Variants in BMP5 observed in about 807,000 individuals in gnomAD.
BMP5 encodes bone morphogenetic protein 5.
Under a neutral mutation model 46.6 loss-of-function variants are expected in BMP5, and 23 were observed. That is an observed-to-expected ratio of 0.49 (90% CI 0.35 to 0.70). BMP5 has a LOEUF of 0.70. BMP5 is among the 30% of genes least tolerant of loss of function. The pLI is 0.00. For synonymous variants in BMP5, 204 were observed against 191.9 expected (o/e 1.06, Z -0.52); for missense variants, 545 against 565.6 (o/e 0.96, Z 0.37).
intron 4 of BMP5, among the ~76,000 whole-genome samples, chr6:55,765,805 ATAAC>A (rs1389434241): frequency 1.3e-5 from 2 of 152,172 alleles, no homozygotes; most frequent in African/African-American, 4.8e-5. Flanking sequence ...ACACCACAAA[ATAAC>A]TCTGTAATGT....
chr6:55,794,582 A>T (rs1775660412), intron 2 of BMP5, among the ~76,000 whole-genome samples, 155 bp from the exon 3 acceptor site: 1 of 152,232 alleles, frequency 6.6e-6, no homozygotes, highest in Admixed American at 6.5e-5. Context: ...GAGTAATAAG[A>T]TACAAAACCT....
chr6:55,805,467 C>T (rs1479695794), intron 2 of BMP5, among the ~76,000 whole-genome samples: 2 of 152,106 alleles, frequency 1.3e-5, no homozygotes, highest in Non-Finnish European at 1.5e-5. Context: ...TATAGTATTC[C>T]ATGGTGTATA....
rs1351901968 is a variant in BMP5, at chr6:55,759,022, C to T, written c.1198G>A (p.Ala400Thr). 5 of 1,606,040 alleles carry T rather than the reference C, an allele frequency of 3.1e-6. No individual in the cohort carries two copies. The highest frequency in any genetic ancestry group is 1.3e-5 in the African/African-American group (1 of 74,334). The change falls in exon 6 of 7, where the codon GCT (alanine) becomes ACT (threonine). Residue 400 changes from alanine (A) to threonine (T), a missense_variant. Coordinates refer to ENST00000370830, the MANE Select transcript of BMP5 (RefSeq NM_021073.4). Reference protein sequence around the residue: ...LNAHMNATNHAIVQTLVHLMF... With the variant: ...LNAHMNATNHTIVQTLVHLMF... ...AAGCTTACCAGAGTCTGAACTATAG[C>T]GTGGTTGGTGGCATTCATATGGGCG...
intron 1 of BMP5, among the ~76,000 whole-genome samples, chr6:55,824,511 T>C (rs1350541581): frequency 6.6e-6 from 1 of 151,816 alleles, no homozygotes; most frequent in African/African-American, 2.4e-5. Flanking sequence ...TTAATTACCA[T>C]ATAAAAACAA....
intron 1 of BMP5, among the ~76,000 whole-genome samples, chr6:55,869,448 G>C (rs12204591): frequency 6.7e-6 from 1 of 150,358 alleles, no homozygotes; most frequent in African/African-American, 2.5e-5. Flanking sequence ...CTCACTCTTC[G>C]TCTCTTTATT....
intron 1 of BMP5, among the ~76,000 whole-genome samples, chr6:55,859,669 T>C (rs1429200402): frequency 2.0e-5 from 3 of 152,182 alleles, no homozygotes; most frequent in Non-Finnish European, 4.4e-5. Flanking sequence ...TGTAACTTTT[T>C]TCCTGCTCCT....
chr6:55,819,242 C>A (rs894134506), intron 2 of BMP5, among the ~76,000 whole-genome samples: 1 of 152,252 alleles, frequency 6.6e-6, no homozygotes, highest in African/African-American at 2.4e-5. Context: ...AATGAACATA[C>A]AATTTTTACA....
chr6:55,848,205 C>G (rs1056963338), intron 1 of BMP5, among the ~76,000 whole-genome samples: 1 of 151,848 alleles, frequency 6.6e-6, no homozygotes, highest in Non-Finnish European at 1.5e-5. Context: ...GGAAGACCAC[C>G]CTAATGTATG....
At chr6:55,777,639 T>C (rs1775207823) in intron 3 of BMP5, among the ~76,000 whole-genome samples, 1 of 151,958 alleles carries the variant, frequency 6.6e-6, no homozygotes, top group Non-Finnish European at 1.5e-5. Context: ...AGAACAGTGA[T>C]AGATTTGATT....
rs146120274 is a variant in BMP5 at position 55,822,714 on chromosome 6, C to G, written c.491-2867G>C. Among the ~76,000 whole-genome samples the G allele has an allele frequency of 4.7e-3, 710 of 152,120 alleles. 6 individuals are homozygous for G. Among genetic ancestry groups the G allele is most frequent in the African/African-American group, 0.016 (682 of 41,514 alleles). ...ATTGAATTCATGTTATGTAATCTAC[C>G]GTTCTGGAATCCCCTGTGAGATGTT... is the stretch of plus-strand genomic sequence containing the variant. On this transcript the variant is annotated intron_variant, in intron 1 of 6. Transcript: ENST00000370830.
chr6:55,755,558 A>G lies in BMP5; in HGVS notation c.1340T>C (p.Val447Ala). ...TTAGTGGCAGCCACATGAGCGTACT[A>G]CCATATTTCTATATTTTTTCAAAAT... Reference protein sequence around the residue: ...NVILKKYRNMVVRSCGCH With the variant: ...NVILKKYRNMAVRSCGCH Residue 447 changes from valine to alanine, a missense_variant, in exon 7 of 7, where the codon GTA becomes GCA. Physicochemically the swap from Val to Ala is moderately conservative, Grantham distance 64. Transcript: ENST00000370830. 4 of 1,610,894 alleles carry G rather than the reference A, an allele frequency of 2.5e-6. No individual in the cohort carries two copies. Among genetic ancestry groups the G allele is most frequent in the Non-Finnish European group, 3.4e-6 (4 of 1,177,754 alleles).
At chr6:55,857,748 G>GT (rs931991352) in intron 1 of BMP5, among the ~76,000 whole-genome samples, 24 of 152,044 alleles carry the variant, frequency 1.6e-4, no homozygotes, top group African/African-American at 5.5e-4. Flanking sequence ...TTTATTTTTG[G>GT]TTTTTTTGAG....
chr6:55,779,821 A>T (rs1186659461), intron 3 of BMP5, among the ~76,000 whole-genome samples: 1 of 152,014 alleles, frequency 6.6e-6, no homozygotes, highest in Non-Finnish European at 1.5e-5. Context: ...ACAAACAGAA[A>T]TTTAGCGTTC....
chr6:55,773,097 A>G (rs764665494), intron 4 of BMP5, among the ~76,000 whole-genome samples: 42 of 151,876 alleles, frequency 2.8e-4, no homozygotes, highest in Non-Finnish European at 5.6e-4. Flanking sequence ...AAAATAATAT[A>G]TATAGGAATC....
At chr6:55,864,206 C>A (rs115599849) in intron 1 of BMP5, among the ~76,000 whole-genome samples, 11 of 152,220 alleles carry the variant, frequency 7.2e-5, no homozygotes, top group African/African-American at 2.2e-4. Flanking sequence ...AACTACCCAT[C>A]ACAATTAAAA....
At chr6:55,835,949 C>G (rs1385658524) in intron 1 of BMP5, among the ~76,000 whole-genome samples, 1 of 152,070 alleles carries the variant, frequency 6.6e-6, no homozygotes. Context: ...TAATCTATAC[C>G]ACTGTATGTT....
intron 2 of BMP5, among the ~76,000 whole-genome samples, chr6:55,798,205 G>T (rs1417721099): frequency 2.6e-5 from 4 of 152,014 alleles, no homozygotes; most frequent in Non-Finnish European, 4.4e-5. Context: ...CTCACTTTAG[G>T]TCAACTGCCT....
chr6:55,811,212 G>C (rs1776127018), intron 2 of BMP5, among the ~76,000 whole-genome samples: 1 of 152,178 alleles, frequency 6.6e-6, no homozygotes, highest in Non-Finnish European at 1.5e-5. Context: ...GAGGCAGGGG[G>C]AGATGATGTA....
At chr6:55,790,809 T>C (rs971162534) in intron 3 of BMP5, among the ~76,000 whole-genome samples, 8 of 152,212 alleles carry the variant, frequency 5.3e-5, no homozygotes, top group Non-Finnish European at 8.8e-5. Flanking sequence ...ACCATGGCTC[T>C]TTTGGCTCCA....
Sources: allele counts gnomAD v4.1 joint callset (sites outside exome capture counted in the v4.1 genomes callset), GRCh38; gene constraint gnomAD v4.1.1; transcripts MANE v1.5; gene names NCBI Gene and HGNC (gene_info 2026-07-23, HGNC 2026-07-21).